CDH23: variants seen among roughly 807,000 people sequenced by gnomAD.
The protein encoded by CDH23 is cadherin-23.
In CDH23, 189 loss-of-function variants were observed where a neutral mutation model predicts 317.1. The ratio of observed to expected loss-of-function variants is 0.60; its 90% CI spans 0.53 to 0.67. The LOEUF (loss-of-function observed/expected upper bound fraction) is 0.67. CDH23 is among the 30% of genes least tolerant of loss of function. The pLI is 0.00. For synonymous variants in CDH23, 1,839 were observed against 1,876.8 expected, an observed-to-expected ratio of 0.98 and a Z score of 0.52; for missense variants, 4,401 against 4,592.4, an observed-to-expected ratio of 0.96 and a Z score of 1.20.
intron 14 of CDH23, among the ~76,000 whole-genome samples, chr10:71,648,706 G>A (rs111563981): frequency 3.8e-4 from 58 of 152,328 alleles, no homozygotes; most frequent in African/African-American, 1.3e-3. Flanking sequence ...AGCCCCTCAG[G>A]CTAGGTTTTT....
intron 47 of CDH23, 60 bp downstream of exon 47, chr10:71,791,395 A>T (rs1012672356): frequency 1.4e-6 from 2 of 1,461,196 alleles, no homozygotes; most frequent in South Asian, 1.2e-5. Context: ...GTCACAGGGG[A>T]CTGGAGCCTC....
At chr10:71,639,500 C>G (rs1482411080) in intron 11 of CDH23, among the ~76,000 whole-genome samples, 2 of 152,200 alleles carry the variant, frequency 1.3e-5, no homozygotes, top group Admixed American at 1.3e-4. Flanking sequence ...TATGCCAGCT[C>G]CTGGCATCGC....
intron 9 of CDH23, among the ~76,000 whole-genome samples, chr10:71,614,832 A>G (rs1323805715): frequency 6.6e-6 from 1 of 152,062 alleles, no homozygotes; most frequent in Non-Finnish European, 1.5e-5. Flanking sequence ...GAAAGCAGAA[A>G]TTGAAGGTGG....
intron 11 of CDH23, among the ~76,000 whole-genome samples, chr10:71,641,988 C>T (rs12253935): frequency 0.51 from 78,139 of 151,966 alleles, 21,033 homozygotes; most frequent in Non-Finnish European, 0.62. Flanking sequence ...CCCAACTACT[C>T]GGGAGCCTGA....
At chr10:71,455,077 A>C (rs941700330) in intron 3 of CDH23, among the ~76,000 whole-genome samples, 7 of 152,138 alleles carry the variant, frequency 4.6e-5, no homozygotes, top group African/African-American at 1.7e-4. Context: ...CCTGGCTTTA[A>C]GCAATCCTCC....
At chr10:71,407,296 C>T (rs537986553) in intron 1 of CDH23, among the ~76,000 whole-genome samples, 74 of 152,338 alleles carry the variant, frequency 4.9e-4, no homozygotes, top group African/African-American at 1.7e-3. Context: ...CACCCCCTTT[C>T]TATCCAGCCC....
intron 6 of CDH23, among the ~76,000 whole-genome samples, chr10:71,552,486 A>G (rs543493547): frequency 1.3e-5 from 2 of 152,328 alleles, no homozygotes; most frequent in South Asian, 4.1e-4. Context: ...CTTCATCTGC[A>G]TGAGAGTGTC....
At position 71,803,241 on chromosome 10, in the gene CDH23, G is replaced by T; in HGVS notation, c.7693G>T (p.Val2565Leu). 1 of 1,602,114 alleles carries T rather than the reference G, an allele frequency of 6.2e-7. No homozygotes were observed. Among genetic ancestry groups the T allele is most frequent in the Non-Finnish European group, 8.5e-7 (1 of 1,173,824 alleles). The change falls in exon 55 of 70, where the codon GTG (valine) becomes TTG (leucine). Residue 2565 changes from valine (V) to leucine (L), a missense_variant. By Grantham distance (32) the Val-to-Leu change is conservative. This residue lies in a region of CDH23 where 1,144 missense variants were observed against 1,138.2 expected (regional missense o/e 1.01). Coordinates refer to ENST00000224721, the MANE Select transcript of CDH23 (RefSeq NM_022124.6). Reference protein sequence around the residue: ...AFHVDMDSGLVTTQRPLQSYE... With the variant: ...AFHVDMDSGLLTTQRPLQSYE... ...CCATGTGGACATGGACTCGGGCTTG[G>T]TGACCACACAGCGGCCACTGCAGTC...
intron 39 of CDH23, 83 bp from the exon 40 acceptor site, chr10:71,778,106 G>T: frequency 6.4e-7 from 1 of 1,570,820 alleles, no homozygotes; most frequent in East Asian, 2.3e-5. Context: ...TCCAATGTCA[G>T]GGCCTACTTC....
chr10:71,652,495 C>T (rs1278458282), intron 14 of CDH23, among the ~76,000 whole-genome samples: 1 of 152,238 alleles, frequency 6.6e-6, no homozygotes. Flanking sequence ...TCATCACTGG[C>T]CTTCAGGGTC....
At chr10:71,770,777 T>C (rs1398451895) in intron 38 of CDH23, among the ~76,000 whole-genome samples, 1 of 152,106 alleles carries the variant, frequency 6.6e-6, no homozygotes, top group Non-Finnish European at 1.5e-5. Context: ...CCCAGGAAGG[T>C]CAGACCCCAG....
intron 6 of CDH23, among the ~76,000 whole-genome samples, chr10:71,532,727 GTTT>G (rs200038577): frequency 7.1e-4 from 67 of 93,958 alleles, no homozygotes; most frequent in African/African-American, 2.2e-3. Context: ...TTTTTTTTTT[GTTT>G]TTTTTTTTTT....
chr10:71,805,002 T>C (rs1274847835), intron 55 of CDH23, among the ~76,000 whole-genome samples: 1 of 152,258 alleles, frequency 6.6e-6, no homozygotes, highest in Non-Finnish European at 1.5e-5. Context: ...ATTATCTATA[T>C]GTCGTCCTAC....
At chr10:71,759,552 G>A (rs1840241048) in intron 38 of CDH23, among the ~76,000 whole-genome samples, 2 of 151,310 alleles carry the variant, frequency 1.3e-5, no homozygotes, top group African/African-American at 2.4e-5. Context: ...ACTCACACCT[G>A]TAATCCCAGC....
rs1166973738 is a variant in CDH23 at position 71,730,460 on chromosome 10, C to A, written c.3580-9C>A. The stretch of plus-strand genomic sequence containing the variant: ...CCCTGACCTTGCACCCCTGGCCCGG[C>A]TCCCACAGGTGATTGTGTACGTGGA... On this transcript the variant is annotated splice_polypyrimidine_tract_variant and intron_variant, in intron 30 of 69. Transcript: ENST00000224721. 1 of 1,613,122 alleles carries A rather than the reference C, an allele frequency of 6.2e-7. No individual in the cohort carries two copies. The highest frequency in any genetic ancestry group is 1.3e-5 in the African/African-American group (1 of 74,920).
intron 12 of CDH23, 141 bp downstream of exon 12, chr10:71,644,007 G>T (rs191264419): frequency 1.5e-4 from 96 of 651,486 alleles, no homozygotes; most frequent in Middle Eastern, 2.7e-4. Context: ...GGGACCAAAG[G>T]TTCAGGGGAA....
chr10:71,578,487 G>A (rs1858385011), intron 9 of CDH23, among the ~76,000 whole-genome samples: 1 of 152,162 alleles, frequency 6.6e-6, no homozygotes, highest in Non-Finnish European at 1.5e-5. Flanking sequence ...GTCGCATCTG[G>A]AATGTTGCGG....
chr10:71,716,467 G>A, intron 28 of CDH23: 2 of 716,790 alleles, frequency 2.8e-6, no homozygotes, highest in East Asian at 2.9e-5. Context: ...CAGCATCATG[G>A]CCACATCACA....
Position 71,682,442 on chromosome 10 carries a change from C to G in CDH23, c.1859-3C>G, listed in dbSNP as rs772228346. On this transcript the variant is annotated splice_polypyrimidine_tract_variant and splice_region_variant and intron_variant, in intron 17 of 69. Transcript: ENST00000224721. The stretch of plus-strand genomic sequence containing the variant: ...GGGATCTGGCCTGTTCCTGTCATTG[C>G]AGTGATCAGCGTCAGTCGCCCCCTG... 1 of 1,611,400 alleles carries G rather than the reference C, an allele frequency of 6.2e-7. No homozygotes were observed. The highest frequency in any genetic ancestry group is 2.2e-5 in the East Asian group (1 of 44,820).
Sources: allele counts gnomAD v4.1 joint callset (sites outside exome capture counted in the v4.1 genomes callset), GRCh38; gene constraint gnomAD v4.1.1; regional missense constraint gnomAD v4.1.1; transcripts MANE v1.5; gene names NCBI Gene and HGNC (gene_info 2026-07-23, HGNC 2026-07-21).